The following SPATA6L variants were observed in gnomAD, a reference collection of about 807,000 sequenced individuals.
The protein encoded by SPATA6L is spermatogenesis associated 6-like protein.
In SPATA6L, 68 loss-of-function variants were observed where a neutral mutation model predicts 49.2. The ratio of observed to expected loss-of-function variants is 1.38; its 90% confidence interval spans 1.14 to 1.69. SPATA6L has a LOEUF of 1.69. Among genes scored for constraint, SPATA6L ranks in the 40% most tolerant of loss-of-function variants. The pLI is 0.00. For missense variants in SPATA6L, 668 were observed against 464.3 expected, an observed-to-expected ratio of 1.44 and a Z score of -4.03; for synonymous variants, 198 against 165.7, an observed-to-expected ratio of 1.19 and a Z score of -1.50.
intron 5 of SPATA6L, chr9:4,627,857 C>T (rs1468639430): frequency 8.0e-7 from 1 of 1,249,296 alleles, no homozygotes; most frequent in East Asian, 5.6e-5. Flanking sequence ...TGGAATCAAC[C>T]TAAGTGTCCA....
rs1256276926 is a variant in SPATA6L at position 4,617,959 on chromosome 9, G to A, written c.959C>T (p.Ser320Phe). The change falls in exon 9 of 12, where the codon TCT becomes TTT. Residue 320 changes from serine (S) to phenylalanine (F), a missense_variant. Physicochemically the swap from Ser to Phe is radical, Grantham distance 155 (BLOSUM62 -2). Coordinates refer to ENST00000682582, the MANE Select transcript of SPATA6L (RefSeq NM_001353486.2). ...AAGGGGCTGATCCAAGGGGCCAGGA[G>A]AGGTGGAATGCTGGTAGGTGGCAAA... ...ASFATYQHST[S>F]PGPLDQPLLR... 1 of 1,613,838 alleles carries A rather than the reference G, an allele frequency of 6.2e-7. No homozygotes were observed. Among genetic ancestry groups the A allele is most frequent in the African/African-American group, 1.3e-5 (1 of 74,908 alleles).
At chr9:4,657,986 G>T (rs1005021382) in intron 2 of SPATA6L, among the ~76,000 whole-genome samples, 1 of 152,074 alleles carries the variant, frequency 6.6e-6, no homozygotes, top group African/African-American at 2.4e-5. Flanking sequence ...CACACAGAGT[G>T]AATGCCGTGT....
In SPATA6L at chr9:4,660,732, G is replaced by A. The variant is rs12347049; in HGVS notation, c.177+1167C>T. ...TGCTACTATAAAGACACATGCACAC[G>A]TATGTTTATTGCAGCACTATTCACA... On this transcript the variant is annotated intron_variant, in intron 2 of 11. Coordinates refer to ENST00000682582, the MANE Select transcript of SPATA6L (RefSeq NM_001353486.2). Among the ~76,000 whole-genome samples the A allele has an allele frequency of 3.8e-3, 573 of 152,294 alleles. 5 individuals carry two copies. The highest frequency in any genetic ancestry group is 0.013 in the African/African-American group (539 of 41,548).
At chr9:4,623,916 G>A (rs1829860703) in intron 6 of SPATA6L, among the ~76,000 whole-genome samples, 3 of 152,302 alleles carry the variant, frequency 2.0e-5, no homozygotes, top group Admixed American at 6.5e-5. Flanking sequence ...TTTGCCAGAT[G>A]TCATTATCCA....
intron 6 of SPATA6L, among the ~76,000 whole-genome samples, chr9:4,623,615 T>C (rs1311749164): frequency 6.6e-6 from 1 of 152,050 alleles, no homozygotes; most frequent in Non-Finnish European, 1.5e-5. Flanking sequence ...CATCAGAAAA[T>C]CTGACTAAAT....
intron 3 of SPATA6L, among the ~76,000 whole-genome samples, 173 bp downstream of exon 3, chr9:4,655,868 G>T (rs542727799): frequency 6.6e-6 from 1 of 152,232 alleles, no homozygotes; most frequent in South Asian, 2.1e-4. Flanking sequence ...TCTATATATA[G>T]AAAAGGGTAT....
At chr9:4,634,037 T>C (rs1832238915) in intron 4 of SPATA6L, among the ~76,000 whole-genome samples, 1 of 152,214 alleles carries the variant, frequency 6.6e-6, no homozygotes, top group Non-Finnish European at 1.5e-5. Context: ...TATAGGTTAT[T>C]TTTCCTATTT....
downstream of SPATA6L, among the ~76,000 whole-genome samples, chr9:4,595,968 C>G (rs762152647): frequency 4.6e-5 from 7 of 152,172 alleles, no homozygotes; most frequent in Non-Finnish European, 7.3e-5. Flanking sequence ...TGAAGATGAA[C>G]ACCTTGTGGG....
intron 9 of SPATA6L, among the ~76,000 whole-genome samples, chr9:4,613,416 C>T (rs976197673): frequency 2.0e-5 from 3 of 151,970 alleles, no homozygotes; most frequent in African/African-American, 7.2e-5. Flanking sequence ...CTCCAGCTCT[C>T]TCTGTGACAA....
chr9:4,644,796 G>C (rs936549996), intron 3 of SPATA6L, among the ~76,000 whole-genome samples: 6 of 151,578 alleles, frequency 4.0e-5, no homozygotes, highest in Admixed American at 3.9e-4. Context: ...GGTGCCACTG[G>C]GTGGCAGGTC....
chr9:4,659,665 T>C (rs942928726), intron 2 of SPATA6L, among the ~76,000 whole-genome samples: 2 of 152,112 alleles, frequency 1.3e-5, no homozygotes, highest in African/African-American at 2.4e-5. Context: ...CTTCACAGAA[T>C]TGGAAAAAAC....
chr9:4,624,399 G>T (rs1326320814), intron 6 of SPATA6L, among the ~76,000 whole-genome samples: 1 of 152,066 alleles, frequency 6.6e-6, no homozygotes, highest in African/African-American at 2.4e-5. Context: ...ATTTTTTCTT[G>T]AACTTTTCTA....
intron 3 of SPATA6L, among the ~76,000 whole-genome samples, chr9:4,647,841 T>TG (rs1554735782): frequency 0.24 from 12,622 of 52,478 alleles, 783 homozygotes; most frequent in African/African-American, 0.44. Flanking sequence ...TTTAGTTTTT[T>TG]TTTTTTTTTT....
At chr9:4,638,257 A>G (rs1833218852) in intron 3 of SPATA6L, among the ~76,000 whole-genome samples, 1 of 152,106 alleles carries the variant, frequency 6.6e-6, no homozygotes, top group African/African-American at 2.4e-5. Flanking sequence ...TATTGCCCAG[A>G]CTGGAGTGCA....
At chr9:4,591,609 C>A (rs1367467132) in intron 13 of SPATA6L, among the ~76,000 whole-genome samples, 8 of 152,318 alleles carry the variant, frequency 5.3e-5, no homozygotes, top group Middle Eastern at 3.4e-3. Flanking sequence ...TGGAGCTAAT[C>A]CTCCCATCTT....
chr9:4,622,557 A>G (rs746990581), intron 6 of SPATA6L, 47 bp from the exon 7 acceptor site: 4 of 1,296,702 alleles, frequency 3.1e-6, no homozygotes, highest in Non-Finnish European at 4.4e-6. Context: ...TATAGCTTCT[A>G]GTACCCTCCC....
At chr9:4,605,310 T>C (rs1026666112) in intron 10 of SPATA6L, 37 bp downstream of exon 10, 60 of 1,481,836 alleles carry the variant, frequency 4.0e-5, no homozygotes, top group Non-Finnish European at 5.5e-5. Flanking sequence ...ACATATTATT[T>C]AGTGAGCAAA....
Position 4,600,298 on chromosome 9 carries a change from T to G in SPATA6L, c.*513A>C, listed in dbSNP as rs1410840378. On this transcript the variant is annotated 3_prime_UTR_variant, in exon 12 of 12. Transcript: ENST00000682582. ...CGTAATGCTCTCTTTTCCAAGGTTT[T>G]TAGTGGACTTCACGTAAATCAAGCC... Among the ~76,000 whole-genome samples, 1 of 152,170 alleles carries G rather than the reference T, an allele frequency of 6.6e-6. No homozygotes were observed. Among genetic ancestry groups the G allele is most frequent in the Non-Finnish European group, 1.5e-5 (1 of 68,034 alleles).
At chr9:4,592,250 G>C (rs1291649110) in intron 13 of SPATA6L, among the ~76,000 whole-genome samples, 2 of 148,282 alleles carry the variant, frequency 1.3e-5, no homozygotes, top group Non-Finnish European at 3.0e-5. Context: ...TGGAGGTGGA[G>C]TTTGCAGTGA....
Sources: allele counts gnomAD v4.1 joint callset (sites outside exome capture counted in the v4.1 genomes callset), GRCh38; gene constraint gnomAD v4.1.1; transcripts MANE v1.5; gene names NCBI Gene and HGNC (gene_info 2026-07-23, HGNC 2026-07-21).